Variants in ERC2 observed in about 807,000 individuals in gnomAD.
ERC2 encodes ELKS/RAB6-interacting/CAST family member 2.
Under a neutral mutation model 114.8 loss-of-function variants are expected in ERC2, and 42 were observed. That is an observed-to-expected ratio of 0.37 (90% confidence interval 0.29 to 0.47). ERC2 has a LOEUF of 0.47. Among genes scored for constraint, ERC2 ranks in the 20% least tolerant of loss-of-function variants. ERC2 has a pLI of 0.99. For missense variants in ERC2, 939 were observed against 1,150.7 expected (o/e 0.82, Z 2.66); for synonymous variants, 454 against 425.5 (o/e 1.07, Z -0.82).
chr3:56,365,984 C>T (rs2059135987), intron 2 of ERC2, among the ~76,000 whole-genome samples: 1 of 152,308 alleles, frequency 6.6e-6, no homozygotes, highest in African/African-American at 2.4e-5. Flanking sequence ...TATAACAGAA[C>T]TCTGACCTAC....
At chr3:56,165,150 C>A (rs1163733217) in intron 4 of ERC2, among the ~76,000 whole-genome samples, 2 of 150,360 alleles carry the variant, frequency 1.3e-5, no homozygotes, top group Non-Finnish European at 3.0e-5. Flanking sequence ...GCCCTCCCAA[C>A]CTTCACTTTT....
intron 14 of ERC2, among the ~76,000 whole-genome samples, chr3:55,773,479 G>A (rs185274782): frequency 6.6e-6 from 1 of 152,218 alleles, no homozygotes; most frequent in African/African-American, 2.4e-5. Context: ...CATATGCTAG[G>A]TTAAATCATA....
chr3:55,989,674 T>G (rs1342996565), intron 11 of ERC2, among the ~76,000 whole-genome samples: 1 of 152,188 alleles, frequency 6.6e-6, no homozygotes, highest in African/African-American at 2.4e-5. Context: ...CTCTGCAACC[T>G]GGAGGAAGTT....
At chr3:56,179,552 T>G (rs1160088841) in intron 3 of ERC2, among the ~76,000 whole-genome samples, 1 of 152,018 alleles carries the variant, frequency 6.6e-6, no homozygotes, top group Admixed American at 6.6e-5. Context: ...TGATAGAACC[T>G]TGGACCATGG....
At chr3:56,100,847 T>C (rs1464946784) in intron 6 of ERC2, among the ~76,000 whole-genome samples, 1 of 152,168 alleles carries the variant, frequency 6.6e-6, no homozygotes, top group Non-Finnish European at 1.5e-5. Flanking sequence ...AATAAGCTCT[T>C]GGTTATTTCA....
chr3:55,540,463 C>A (rs1285566751), intron 17 of ERC2, among the ~76,000 whole-genome samples: 1 of 152,178 alleles, frequency 6.6e-6, no homozygotes, highest in Admixed American at 6.5e-5. Flanking sequence ...AGTATGGATG[C>A]TGAGATGGCT....
intron 3 of ERC2, among the ~76,000 whole-genome samples, chr3:56,276,593 C>A (rs1410607141): frequency 2.0e-5 from 3 of 151,928 alleles, no homozygotes; most frequent in African/African-American, 7.3e-5. Context: ...TCTTTAAATG[C>A]CATATTGTTT....
At chr3:55,691,473 G>T (rs775896568) in intron 16 of ERC2, among the ~76,000 whole-genome samples, 1 of 142,272 alleles carries the variant, frequency 7.0e-6, no homozygotes, top group African/African-American at 2.7e-5. Context: ...GAATCTGAAG[G>T]CTTCATCCCC....
chr3:56,107,460 C>T (rs1181040208), intron 6 of ERC2, among the ~76,000 whole-genome samples: 1 of 152,000 alleles, frequency 6.6e-6, no homozygotes, highest in African/African-American at 2.4e-5. Context: ...AGGCTGCACC[C>T]TTACTGACCT....
chr3:55,722,188 A>C (rs542142045), intron 15 of ERC2, among the ~76,000 whole-genome samples: 1 of 152,142 alleles, frequency 6.6e-6, no homozygotes, highest in South Asian at 2.1e-4. Context: ...CTCAGTGGCT[A>C]TATCAGGGCA....
intron 3 of ERC2, among the ~76,000 whole-genome samples, chr3:56,283,221 G>C (rs1008364474): frequency 1.3e-5 from 2 of 152,192 alleles, no homozygotes; most frequent in African/African-American, 4.8e-5. Flanking sequence ...AGCAGCTAAA[G>C]CTTGAATCTT....
intron 14 of ERC2, among the ~76,000 whole-genome samples, chr3:55,851,939 C>T (rs1241094691): frequency 6.6e-6 from 1 of 152,166 alleles, no homozygotes; most frequent in Non-Finnish European, 1.5e-5. Context: ...ATTGCTAAAA[C>T]AGGCCGGGTA....
At chr3:55,656,877 G>C (rs946213978) in intron 17 of ERC2, among the ~76,000 whole-genome samples, 2 of 152,136 alleles carry the variant, frequency 1.3e-5, no homozygotes, top group Admixed American at 1.3e-4. Context: ...GAGAGTAGAA[G>C]GGGTCACGAT....
At chr3:56,207,658 C>G (rs949854352) in intron 3 of ERC2, among the ~76,000 whole-genome samples, 2 of 152,034 alleles carry the variant, frequency 1.3e-5, no homozygotes, top group Non-Finnish European at 2.9e-5. Flanking sequence ...AAGAAAAAAA[C>G]CTTTTAAAAA....
intron 16 of ERC2, 37 bp from the exon 17 acceptor site, chr3:55,683,896 G>T (rs1346576036): frequency 3.1e-6 from 5 of 1,605,512 alleles, no homozygotes; most frequent in Non-Finnish European, 4.3e-6. Context: ...GCACAGAGAG[G>T]AGGGGAGCAC....
chr3:55,685,469 G>GA (rs1395113257), intron 16 of ERC2, among the ~76,000 whole-genome samples: 3 of 152,102 alleles, frequency 2.0e-5, no homozygotes, highest in Non-Finnish European at 4.4e-5. Flanking sequence ...TGTGACTTAG[G>GA]AAAAATGTAT....
rs775509930 is a variant in ERC2 at position 55,827,392 on chromosome 3, T to C, written c.2564+60997A>G. On this transcript the variant is annotated intron_variant, in intron 14 of 17. Transcript: ENST00000288221. ...AAAGAGACAGAAAGAAAGAAAAAGA[T>C]AAAGAGAGAAAAAGAGAGAAAGAGG... Among the ~76,000 whole-genome samples the C allele has an allele frequency of 1.4e-4, 18 of 126,172 alleles. No homozygotes were observed. The Middle Eastern group carries it at 0.016, about 110-fold the overall frequency. 82.8% of individuals were successfully genotyped at this position (126,172 alleles called of 152,430 possible). A position where few individuals can be genotyped will look rare whatever the true frequency, so the allele number is the denominator to read the frequency against.
intron 2 of ERC2, among the ~76,000 whole-genome samples, chr3:56,348,603 C>T (rs117913645): frequency 0.02 from 2,971 of 150,708 alleles, 43 homozygotes; most frequent in South Asian, 0.07. Context: ...GTGAAATCTG[C>T]AGGTTCTTAA....
intron 12 of ERC2, among the ~76,000 whole-genome samples, chr3:55,981,110 G>C (rs2070098902): frequency 6.6e-6 from 1 of 152,212 alleles, no homozygotes. Flanking sequence ...CCAATCCCTG[G>C]CTACGCCTCA....
Sources: allele counts gnomAD v4.1 joint callset (sites outside exome capture counted in the v4.1 genomes callset), GRCh38; gene constraint gnomAD v4.1.1; transcripts MANE v1.5; gene names NCBI Gene and HGNC (gene_info 2026-07-23, HGNC 2026-07-21).